The following MYO9A variants were observed in gnomAD, a reference collection of about 807,000 sequenced individuals.
MYO9A encodes unconventional myosin-IXa.
In MYO9A, 103 loss-of-function variants were observed where a neutral mutation model predicts 293.3. That is an observed-to-expected ratio of 0.35 (90% CI 0.30 to 0.41). The LOEUF is 0.41. Ranked by LOEUF, MYO9A falls within the 10% of genes least tolerant of loss-of-function variation. The pLI is 1.00. For missense variants in MYO9A, 2,685 were observed against 3,033.0 expected, an observed-to-expected ratio of 0.89 and a Z score of 2.69; for synonymous variants, 1,001 against 1,035.7, an observed-to-expected ratio of 0.97 and a Z score of 0.64.
chr15:71,840,867 G>A (rs1414506972), intron 39 of MYO9A, among the ~76,000 whole-genome samples: 4 of 152,182 alleles, frequency 2.6e-5, no homozygotes, highest in African/African-American at 4.8e-5. Flanking sequence ...TCCTGACCTC[G>A]TGATCCGCCC....
chr15:72,043,862 T>C lies in MYO9A; in HGVS notation c.840+1862A>G, dbSNP rs569896031. On this transcript the variant is annotated intron_variant, in intron 2 of 41. Coordinates refer to ENST00000356056, the MANE Select transcript of MYO9A (RefSeq NM_006901.4). ...GTATTTCAATTATACCTACAAAATA[T>C]CTTTTAAAAAGACAACAAAGTAATA... is the stretch of plus-strand genomic sequence containing the variant. 3.9e-5 allele frequency among the ~76,000 whole-genome samples: 6 copies of C among 152,024 alleles called. 1 individual carries two copies. Among genetic ancestry groups the C allele is most frequent in the Admixed American group, 3.9e-4 (6 of 15,238 alleles).
At chr15:71,868,584 C>A (rs2056411903) in intron 32 of MYO9A, among the ~76,000 whole-genome samples, 1 of 152,080 alleles carries the variant, frequency 6.6e-6, no homozygotes, top group South Asian at 2.1e-4. Flanking sequence ...GTGACAAGAA[C>A]CTTGGAGGGA....
intron 18 of MYO9A, among the ~76,000 whole-genome samples, chr15:71,926,107 T>C (rs940545611): frequency 1.3e-5 from 2 of 152,134 alleles, no homozygotes; most frequent in Non-Finnish European, 2.9e-5. Context: ...GGTGCAGCAG[T>C]GTAGTCTCTG....
At chr15:71,891,818 G>C (rs2057187175) in intron 26 of MYO9A, 1 of 152,036 alleles carries the variant, frequency 6.6e-6, no homozygotes, top group Non-Finnish European at 1.5e-5. Context: ...TCCAACAAAA[G>C]ATAAAAGACA....
chr15:72,036,038 C>G (rs2078036909), intron 2 of MYO9A, among the ~76,000 whole-genome samples: 1 of 151,772 alleles, frequency 6.6e-6, no homozygotes, highest in African/African-American at 2.4e-5. Context: ...AACTTAACTC[C>G]TCAAAATATT....
chr15:72,100,373 C>T (rs916869393), intron 1 of MYO9A, among the ~76,000 whole-genome samples: 1 of 152,240 alleles, frequency 6.6e-6, no homozygotes, highest in Non-Finnish European at 1.5e-5. Context: ...GGTCTCGGCT[C>T]GCTACAACCC....
At chr15:71,882,978 T>C (rs985550204) in intron 28 of MYO9A, among the ~76,000 whole-genome samples, 2 of 151,986 alleles carry the variant, frequency 1.3e-5, no homozygotes, top group African/African-American at 4.8e-5. Flanking sequence ...CTAATTTTTA[T>C]ATTTTTTGTA....
chr15:71,856,884 A>C (rs1720096559), intron 34 of MYO9A, among the ~76,000 whole-genome samples: 2 of 152,200 alleles, frequency 1.3e-5, no homozygotes, highest in Non-Finnish European at 2.9e-5. Flanking sequence ...TCACATTTGC[A>C]ACAGAAATAC....
chr15:72,019,304 T>C (rs2077431440), intron 5 of MYO9A, among the ~76,000 whole-genome samples: 1 of 152,246 alleles, frequency 6.6e-6, no homozygotes, highest in Non-Finnish European at 1.5e-5. Context: ...TGGGCTCCAG[T>C]GACTGTTATT....
At chr15:72,071,988 T>G (rs1305829854) in intron 1 of MYO9A, among the ~76,000 whole-genome samples, 1 of 146,194 alleles carries the variant, frequency 6.8e-6, no homozygotes, top group Non-Finnish European at 1.5e-5. Context: ...GAGGATCACT[T>G]GAGCTCAGGA....
chr15:71,888,467 T>C (rs886756513), intron 26 of MYO9A: 1 of 156,144 alleles, frequency 6.4e-6, no homozygotes, highest in Non-Finnish European at 1.4e-5. Flanking sequence ...TCAAATCTCC[T>C]TTTATTTATC....
intron 14 of MYO9A, chr15:71,958,546 A>G (rs1339749488): frequency 6.6e-6 from 1 of 152,120 alleles, no homozygotes; most frequent in Non-Finnish European, 1.5e-5. Flanking sequence ...GTTTTTTCCA[A>G]GGAGAAATTT....
Position 71,830,176 on chromosome 15 carries a change from G to A in MYO9A, c.6973C>T (p.Gln2325Ter). The A allele has an allele frequency of 6.2e-7, 1 of 1,614,082 alleles. No homozygotes were observed. Among genetic ancestry groups the A allele is most frequent in the Non-Finnish European group, 8.5e-7 (1 of 1,179,988 alleles). The change falls in exon 40 of 42, where the codon CAG becomes TAG. Residue 2325 changes from glutamine to a stop codon, truncating the protein, a stop_gained. Coordinates refer to ENST00000356056, the MANE Select transcript of MYO9A (RefSeq NM_006901.4). LOFTEE classifies it high-confidence loss of function. ...AAMETDITEQQQAAMQQEERV... is the reference protein window; with the variant it reads ...AAMETDITEQ ...TCCTCCTGCTGCATAGCTGCTTGCT[G>A]CTGTTCTGTGATGTCAGTCTCCATG...
At chr15:71,874,138 T>A (rs1408787511) in intron 32 of MYO9A, among the ~76,000 whole-genome samples, 1 of 152,210 alleles carries the variant, frequency 6.6e-6, no homozygotes, top group Non-Finnish European at 1.5e-5. Flanking sequence ...GCAAATAATC[T>A]ATAAAACAGT....
intron 37 of MYO9A, 75 bp downstream of exon 37, chr15:71,851,178 T>G: frequency 1.7e-6 from 2 of 1,167,012 alleles, no homozygotes; most frequent in Non-Finnish European, 2.5e-6. Flanking sequence ...GTCTTCCAAA[T>G]GGAGAAATTC....
intron 1 of MYO9A, among the ~76,000 whole-genome samples, chr15:72,079,254 C>T (rs1384645612): frequency 6.6e-6 from 1 of 152,098 alleles, no homozygotes; most frequent in African/African-American, 2.4e-5. Flanking sequence ...TTTTCTGCTG[C>T]ATTTCACTGT....
intron 31 of MYO9A, among the ~76,000 whole-genome samples, chr15:71,877,614 T>C (rs550042434): frequency 7.2e-5 from 11 of 152,132 alleles, no homozygotes; most frequent in Non-Finnish European, 1.6e-4. Flanking sequence ...CCTGCCATCA[T>C]GCCCAGCTAA....
intron 39 of MYO9A, among the ~76,000 whole-genome samples, chr15:71,840,360 G>A (rs539730175): frequency 2.3e-3 from 354 of 152,224 alleles, no homozygotes; most frequent in African/African-American, 8.2e-3. Flanking sequence ...ACTGCTGCAA[G>A]GGCTCCCACA....
chr15:72,053,172 G>A (rs1038540116), intron 1 of MYO9A, among the ~76,000 whole-genome samples: 2 of 152,192 alleles, frequency 1.3e-5, no homozygotes, highest in Admixed American at 1.3e-4. Context: ...GGCCAAGGCA[G>A]GCGGATCACT....
Sources: gnomAD v4.1 joint callset for allele counts (sites outside exome capture counted in the v4.1 genomes callset) on GRCh38, gnomAD v4.1.1 for gene constraint, MANE v1.5 for transcripts, NCBI Gene and HGNC (gene_info 2026-07-23, HGNC 2026-07-21) for gene names.